The following HACD3 variants were observed in gnomAD, a reference collection of about 807,000 sequenced individuals.
HACD3 encodes 3-hydroxyacyl-CoA dehydratase 3, also known as very-long-chain (3R)-3-hydroxyacyl-CoA dehydratase 3.
A neutral mutation model predicts 55.2 loss-of-function variants in HACD3; 30 were observed. The ratio of observed to expected loss-of-function variants is 0.54; its 90% CI spans 0.41 to 0.74. The LOEUF is 0.74. Ranked by LOEUF, HACD3 falls within the 30% of genes least tolerant of loss-of-function variation. The probability of loss-of-function intolerance (pLI) is 0.00; values close to 1 mark genes in which losing one functional copy is unlikely to be tolerated. For synonymous variants in HACD3, 141 were observed against 151.7 expected (o/e 0.93, Z 0.52); for missense variants, 363 against 440.1 (o/e 0.82, Z 1.57).
intron 1 of HACD3, among the ~76,000 whole-genome samples, chr15:65,546,256 A>G (rs1487152901): frequency 6.6e-6 from 1 of 152,268 alleles, no homozygotes; most frequent in African/African-American, 2.4e-5. Context: ...GGTTGCGTGC[A>G]TTACAGTAAA....
In HACD3 at chr15:65,530,715, A is replaced by G. The variant is rs1398107143; in HGVS notation, c.84A>G (p.Val28=). 6.4e-7 allele frequency: 1 copy of G among 1,561,032 alleles called. No individual in the cohort carries two copies. Among genetic ancestry groups the G allele is most frequent in the Admixed American group, 1.9e-5 (1 of 52,332 alleles). ...ATCTGCGCGTGGAGCTGAGTGACGT[A>G]CAGGTAAAGGCCGGGTCGGGCGGCG... is the stretch of plus-strand genomic sequence containing the variant. The part of the protein sequence containing the change: ...ELYLRVELSD[V]QNPAISITEN... The change falls in exon 1 of 11, where the codon GTA becomes GTG. Residue 28 remains valine (V), a synonymous_variant. Transcript: ENST00000261875.
chr15:65,534,635 G>A (rs2071937153), intron 1 of HACD3, among the ~76,000 whole-genome samples: 1 of 152,188 alleles, frequency 6.6e-6, no homozygotes, highest in South Asian at 2.1e-4. Flanking sequence ...GAAAGATATT[G>A]TTCCTGTCCT....
chr15:65,562,621 C>T (rs2072254378), intron 5 of HACD3, among the ~76,000 whole-genome samples, 153 bp from the exon 6 acceptor site: 1 of 151,868 alleles, frequency 6.6e-6, no homozygotes. Context: ...AGTAGGAGCC[C>T]AGGCTGGTGA....
chr15:65,556,591 C>A lies in HACD3; in HGVS notation c.205-148C>A, dbSNP rs539887774. 9.5e-5 allele frequency: 77 copies of A among 813,482 alleles called. 1 individual carries two copies. The highest frequency in any genetic ancestry group is 7.6e-4 in the Middle Eastern group (2 of 2,648). 50.4% of individuals were successfully genotyped at this position (813,482 alleles called of 1,614,324 possible). On this transcript the variant is annotated intron_variant, in intron 3 of 10. Coordinates refer to ENST00000261875, the MANE Select transcript of HACD3 (RefSeq NM_016395.4). ...GGCCCAGGAGTTGGAGACCCCTGGT[C>A]TAGATGTTCCCTTTGCATCAGGACT...
chr15:65,542,044 CA>C (rs1380262134), intron 1 of HACD3, among the ~76,000 whole-genome samples: 2 of 151,788 alleles, frequency 1.3e-5, no homozygotes, highest in Non-Finnish European at 2.9e-5. Context: ...TCCTGGCCAA[CA>C]TGGTGAAACG....
At chr15:65,552,291 C>CT (rs112188716) in intron 2 of HACD3, among the ~76,000 whole-genome samples, 31,171 of 151,794 alleles carry the variant, frequency 0.21, 3,591 homozygotes, top group African/African-American at 0.3. Flanking sequence ...GAATATGCTG[C>CT]TTTTTTTAAA....
chr15:65,535,939 C>G (rs1343900379), intron 1 of HACD3: 1 of 434,394 alleles, frequency 2.3e-6, no homozygotes, highest in East Asian at 3.5e-5. Flanking sequence ...ATCCTCTTGC[C>G]TTGGCCTCCC....
chr15:65,554,286 G>A (rs1261560051), intron 2 of HACD3, among the ~76,000 whole-genome samples: 1 of 152,134 alleles, frequency 6.6e-6, no homozygotes, highest in African/African-American at 2.4e-5. Flanking sequence ...TTTGTGTGGG[G>A]TATCATCAGG....
At chr15:65,536,094 G>A (rs969713749) in intron 1 of HACD3, among the ~76,000 whole-genome samples, 1 of 152,072 alleles carries the variant, frequency 6.6e-6, no homozygotes, top group Non-Finnish European at 1.5e-5. Flanking sequence ...TTGGCCCACC[G>A]CAACCTCCGC....
intron 2 of HACD3, among the ~76,000 whole-genome samples, chr15:65,552,142 C>CGA (rs2072139828): frequency 6.6e-6 from 1 of 151,868 alleles, no homozygotes; most frequent in South Asian, 2.1e-4. Context: ...CTCATGGACC[C>CGA]GAGATTGAGA....
chr15:65,535,018 G>A (rs352484), intron 1 of HACD3, among the ~76,000 whole-genome samples: 143,069 of 152,282 alleles, frequency 0.94, 67,212 homozygotes, highest in Admixed American at 0.96. Flanking sequence ...AATGAGGAGA[G>A]AATGACCCAT....
intron 1 of HACD3, among the ~76,000 whole-genome samples, chr15:65,545,031 AAAG>A (rs1249471949): frequency 1.3e-5 from 2 of 152,014 alleles, no homozygotes; most frequent in East Asian, 1.9e-4. Context: ...AAAAAAAAAA[AAAG>A]AAAGAAAGAA....
chr15:65,538,453 G>T (rs1055688565), intron 1 of HACD3, among the ~76,000 whole-genome samples: 1 of 152,188 alleles, frequency 6.6e-6, no homozygotes, highest in Non-Finnish European at 1.5e-5. Flanking sequence ...GAGCCTGAAG[G>T]TGTGACTGAA....
intron 1 of HACD3, among the ~76,000 whole-genome samples, chr15:65,549,265 C>T (rs532049488): frequency 9.9e-5 from 15 of 152,108 alleles, no homozygotes; most frequent in African/African-American, 3.6e-4. Context: ...TTGGTTTTGA[C>T]AGCCCAACAG....
At chr15:65,560,801 C>CAAAAAAA (rs11304800) in intron 5 of HACD3, among the ~76,000 whole-genome samples, 1 of 108,786 alleles carries the variant, frequency 9.2e-6, no homozygotes, top group Non-Finnish European at 2.0e-5. Context: ...GACCCTATCT[C>CAAAAAAA]AAAAAAAAAA....
chr15:65,530,726 C>A lies in HACD3; in HGVS notation c.87+8C>A. ...GAGCTGAGTGACGTACAGGTAAAGG[C>A]CGGGTCGGGCGGCGGGAAGCGCGCG... is the stretch of plus-strand genomic sequence containing the variant. On this transcript the variant is annotated splice_region_variant and intron_variant, in intron 1 of 10. Coordinates refer to ENST00000261875, the MANE Select transcript of HACD3 (RefSeq NM_016395.4). 1 of 1,544,274 alleles carries A rather than the reference C, an allele frequency of 6.5e-7. No individual in the cohort carries two copies. Among genetic ancestry groups the A allele is most frequent in the Non-Finnish European group, 8.7e-7 (1 of 1,144,690 alleles).
chr15:65,551,859 T>C (rs2072136560), intron 2 of HACD3, 141 bp downstream of exon 2: 1 of 900,166 alleles, frequency 1.1e-6, no homozygotes, highest in Non-Finnish European at 1.7e-6. Context: ...GTAAGCTAAA[T>C]TGTTTTGAAA....
At chr15:65,548,273 G>T (rs9708095) in intron 1 of HACD3, among the ~76,000 whole-genome samples, 26,048 of 151,936 alleles carry the variant, frequency 0.17, 3,368 homozygotes, top group East Asian at 0.73. Flanking sequence ...AGTTTGGTAG[G>T]CTGAGGTGGA....
intron 4 of HACD3, among the ~76,000 whole-genome samples, chr15:65,557,606 G>T (rs2072206281): frequency 6.6e-6 from 1 of 152,158 alleles, no homozygotes; most frequent in Non-Finnish European, 1.5e-5. Flanking sequence ...CTCCTTGGAA[G>T]GAAGTCACTA....
Sources: allele counts gnomAD v4.1 joint callset (sites outside exome capture counted in the v4.1 genomes callset), GRCh38; gene constraint gnomAD v4.1.1; transcripts MANE v1.5; gene names NCBI Gene and HGNC (gene_info 2026-07-23, HGNC 2026-07-21).